Variants in TENM3 observed in about 807,000 individuals in gnomAD.
TENM3 encodes the protein teneurin transmembrane protein 3, also known as teneurin-3.
A neutral mutation model predicts 255.1 loss-of-function variants in TENM3; 63 were observed. The ratio of observed to expected loss-of-function variants is 0.25; its 90% confidence interval spans 0.20 to 0.30. The LOEUF (loss-of-function observed/expected upper bound fraction) is 0.30, where lower values mean the gene tolerates loss of function less well. Ranked by LOEUF, TENM3 falls within the 10% of genes least tolerant of loss-of-function variation. The pLI is 1.00. For missense variants in TENM3, 2,929 were observed against 3,461.1 expected (o/e 0.85, Z 3.86); for synonymous variants, 1,306 against 1,322.3 (o/e 0.99, Z 0.27).
intron 3 of TENM3, among the ~76,000 whole-genome samples, chr4:182,525,429 G>A (rs1739054087): frequency 6.6e-6 from 1 of 152,230 alleles, no homozygotes; most frequent in African/African-American, 2.4e-5. Flanking sequence ...TTAACCCAAA[G>A]TCATACAGTA....
Position 182,764,278 on chromosome 4 carries a change from A to G in TENM3, c.4892+9019A>G, listed in dbSNP as rs185103414. On this transcript the variant is annotated intron_variant, in intron 22 of 27. Coordinates refer to ENST00000511685, the MANE Select transcript of TENM3 (RefSeq NM_001080477.4). ...TTTCCTGGCATTCATTCATTCACTC[A>G]TGTGCTCATTCATTCAGTAAGAATT... 2.8e-3 allele frequency among the ~76,000 whole-genome samples: 428 copies of G among 152,306 alleles called. 12 individuals carry two copies. The highest frequency in any genetic ancestry group is 0.022 in the Admixed American group (340 of 15,292).
intron 3 of TENM3, among the ~76,000 whole-genome samples, chr4:182,545,848 A>G (rs1741387603): frequency 6.6e-6 from 1 of 151,716 alleles, no homozygotes; most frequent in African/African-American, 2.4e-5. Flanking sequence ...CCGTTGAACA[A>G]TTAGGGGGCT....
chr4:181,485,062 T>C, the TENM3 span, among the ~76,000 whole-genome samples: 3 of 152,122 alleles, frequency 2.0e-5, no homozygotes, highest in Admixed American at 6.5e-5. Flanking sequence ...TTAGATAATA[T>C]TAATTGACAG....
intron 1 of TENM3, among the ~76,000 whole-genome samples, chr4:182,315,744 G>A (rs1762718616): frequency 6.6e-6 from 1 of 152,070 alleles, no homozygotes; most frequent in Admixed American, 6.5e-5. Context: ...GTCTCTTAAA[G>A]TAGTCCTGTG....
At chr4:182,524,125 T>A (rs1352465035) in intron 3 of TENM3, among the ~76,000 whole-genome samples, 1 of 152,142 alleles carries the variant, frequency 6.6e-6, no homozygotes, top group Non-Finnish European at 1.5e-5. Flanking sequence ...ACGTTTAAAG[T>A]CCAGTCTATT....
the TENM3 span, among the ~76,000 whole-genome samples, chr4:181,815,322 C>T: frequency 1.3e-4 from 20 of 151,554 alleles, no homozygotes; most frequent in Non-Finnish European, 2.5e-4. Flanking sequence ...TCTATCTGGG[C>T]ATGATGGCAT....
chr4:181,994,863 G>C, the TENM3 span, among the ~76,000 whole-genome samples: 1,547 of 152,150 alleles, frequency 0.01, 25 homozygotes, highest in African/African-American at 0.035. Flanking sequence ...ATCACATAAG[G>C]CTTTCAGATA....
At chr4:182,540,058 A>G (rs910432805) in intron 3 of TENM3, among the ~76,000 whole-genome samples, 1 of 152,248 alleles carries the variant, frequency 6.6e-6, no homozygotes, top group African/African-American at 2.4e-5. Flanking sequence ...TTACTGTGGG[A>G]CACAATAAAG....
intron 12 of TENM3, among the ~76,000 whole-genome samples, chr4:182,689,813 C>T (rs1693504272): frequency 6.6e-6 from 1 of 152,228 alleles, no homozygotes; most frequent in South Asian, 2.1e-4. Context: ...TGAGGCCCAA[C>T]ACAAATTCAT....
intron 1 of TENM3, among the ~76,000 whole-genome samples, chr4:182,154,492 C>G (rs1750566613): frequency 6.6e-6 from 1 of 151,990 alleles, no homozygotes; most frequent in African/African-American, 2.4e-5. Context: ...GAATTTTAGT[C>G]TAAATATATG....
At chr4:181,640,743 T>G in the TENM3 span, among the ~76,000 whole-genome samples, 9 of 152,292 alleles carry the variant, frequency 5.9e-5, no homozygotes, top group South Asian at 1.9e-3. Flanking sequence ...TAGGAGGTGA[T>G]GCCGGCGTTG....
intron 13 of TENM3, 148 bp from the exon 14 acceptor site, chr4:182,728,817 A>C (rs1760441210): frequency 3.1e-6 from 2 of 648,090 alleles, no homozygotes; most frequent in Admixed American, 5.8e-5. Context: ...TTCTGGTTTC[A>C]AAAAGTATGC....
In TENM3 at chr4:182,438,208, T is replaced by A. The variant is rs184694272; in HGVS notation, c.511+91279T>A. 1.3e-4 allele frequency among the ~76,000 whole-genome samples: 20 copies of A among 152,364 alleles called. No homozygotes were observed. The East Asian group carries it at 3.9e-3, about 29-fold the overall frequency. On this transcript the variant is annotated intron_variant, in intron 3 of 27. Transcript: ENST00000511685. ...GTAGAGAAATTCTTGAAGGGTGAGC[T>A]GTGATGTTTCTTTGCTCCTTTAGTG...
intron 1 of TENM3, among the ~76,000 whole-genome samples, chr4:182,230,985 G>C (rs557928086): frequency 6.6e-6 from 1 of 151,254 alleles, no homozygotes; most frequent in African/African-American, 2.4e-5. Context: ...GGCCAGACCT[G>C]AGGGTCTCTA....
the TENM3 span, among the ~76,000 whole-genome samples, chr4:181,513,486 A>G: frequency 6.6e-6 from 1 of 152,208 alleles, no homozygotes. Flanking sequence ...TAGAAAACTC[A>G]GATAAAAGTA....
At chr4:182,303,424 TG>T (rs1761955941) in intron 1 of TENM3, among the ~76,000 whole-genome samples, 1 of 152,232 alleles carries the variant, frequency 6.6e-6, no homozygotes, top group Non-Finnish European at 1.5e-5. Context: ...GTCATATTTC[TG>T]TTGTGTTGGT....
chr4:181,644,824 G>A, the TENM3 span, among the ~76,000 whole-genome samples: 79,531 of 151,622 alleles, frequency 0.52, 21,061 homozygotes, highest in Admixed American at 0.57. Flanking sequence ...CTGATTTTAA[G>A]AGCCCTGGAA....
At chr4:182,737,419 CT>C (rs1761252982) in intron 17 of TENM3, among the ~76,000 whole-genome samples, 1 of 152,042 alleles carries the variant, frequency 6.6e-6, no homozygotes, top group Admixed American at 6.6e-5. Context: ...CTTTACCTCC[CT>C]GGATTTCCTT....
intron 1 of TENM3, among the ~76,000 whole-genome samples, chr4:182,213,447 A>G (rs943141528): frequency 1.1e-4 from 17 of 152,208 alleles, no homozygotes; most frequent in Non-Finnish European, 1.9e-4. Flanking sequence ...TAAAACCATC[A>G]TACCCCAAAA....
Sources: allele counts gnomAD v4.1 joint callset (sites outside exome capture counted in the v4.1 genomes callset), GRCh38; gene constraint gnomAD v4.1.1; transcripts MANE v1.5; gene names NCBI Gene and HGNC (gene_info 2026-07-23, HGNC 2026-07-21).